Variants in KCNIP3 observed in about 807,000 individuals in gnomAD.
KCNIP3 encodes calsenilin.
Under a neutral mutation model 35.0 loss-of-function variants are expected in KCNIP3, and 28 were observed. The ratio of observed to expected loss-of-function variants is 0.80; its 90% confidence interval spans 0.59 to 1.10. KCNIP3 has a LOEUF of 1.10. KCNIP3 is among the 50% of genes least tolerant of loss of function. The pLI is 0.00. For synonymous variants in KCNIP3, 134 were observed against 133.8 expected (o/e 1.00, Z -0.01); for missense variants, 295 against 338.4 (o/e 0.87, Z 1.01).
chr2:95,315,831 C>T (rs1449335216), intron 2 of KCNIP3, among the ~76,000 whole-genome samples: 2 of 152,196 alleles, frequency 1.3e-5, no homozygotes, highest in African/African-American at 4.8e-5. Flanking sequence ...AGTCGCAGCC[C>T]CCGCAGGTAC....
At chr2:95,307,800 C>T (rs532711207) in intron 1 of KCNIP3, among the ~76,000 whole-genome samples, 2 of 152,324 alleles carry the variant, frequency 1.3e-5, no homozygotes, top group Admixed American at 6.5e-5. Context: ...CCAGGGGCTC[C>T]GAGGCCGCCT....
intron 1 of KCNIP3, among the ~76,000 whole-genome samples, chr2:95,302,145 A>G (rs1573476127): frequency 6.6e-6 from 1 of 151,398 alleles, no homozygotes; most frequent in South Asian, 2.1e-4. Flanking sequence ...GACAGCAAGC[A>G]GTGCTGGGTG....
intron 2 of KCNIP3, among the ~76,000 whole-genome samples, chr2:95,322,294 C>G (rs1361640256): frequency 6.6e-6 from 1 of 152,146 alleles, no homozygotes; most frequent in Non-Finnish European, 1.5e-5. Context: ...CCCGGGAGGT[C>G]AAGGCTGCAG....
intron 2 of KCNIP3, among the ~76,000 whole-genome samples, chr2:95,340,581 C>T (rs1190894177): frequency 6.6e-6 from 1 of 152,194 alleles, no homozygotes; most frequent in Non-Finnish European, 1.5e-5. Flanking sequence ...CCAGCAATTT[C>T]GGCATGGCAT....
chr2:95,315,226 A>C (rs1678423145), intron 2 of KCNIP3, among the ~76,000 whole-genome samples: 1 of 152,180 alleles, frequency 6.6e-6, no homozygotes, highest in East Asian at 1.9e-4. Flanking sequence ...GAGTGATGGC[A>C]GGGATGCAGA....
At chr2:95,339,683 G>C (rs1251387262) in intron 2 of KCNIP3, among the ~76,000 whole-genome samples, 2 of 152,104 alleles carry the variant, frequency 1.3e-5, no homozygotes, top group African/African-American at 4.8e-5. Context: ...TATCTCTTCT[G>C]TTTGGTCCAA....
intron 2 of KCNIP3, among the ~76,000 whole-genome samples, chr2:95,367,843 C>T (rs192732930): frequency 1.4e-3 from 212 of 150,510 alleles, no homozygotes; most frequent in African/African-American, 4.9e-3. Flanking sequence ...CTCACTGCAA[C>T]CTCTGCCTCC....
In KCNIP3 at chr2:95,377,274, C is replaced by T. The variant is rs1680227738; in HGVS notation, c.447+2066C>T. Among the ~76,000 whole-genome samples the T allele has an allele frequency of 6.6e-6, 1 of 152,248 alleles. No individual in the cohort carries two copies. Among genetic ancestry groups the T allele is most frequent in the African/African-American group, 2.4e-5 (1 of 41,464 alleles). The stretch of plus-strand genomic sequence containing the variant: ...CTTCAGTGCCCAGGATCAAGTCAGG[C>T]CCAGTTTGGAAGTGGCAGCCAGGCA... On this transcript the variant is annotated intron_variant, in intron 5 of 8. Transcript: ENST00000295225. The surrounding 1 kb of genome is among the most constrained non-coding windows in gnomAD (Gnocchi z 4.7).
rs749274996 is a variant in KCNIP3 at position 95,384,085 on chromosome 2, C to T, written c.*36C>T. The T allele has an allele frequency of 1.2e-6, 2 of 1,603,588 alleles. No homozygotes were observed. Among genetic ancestry groups the T allele is most frequent in the East Asian group, 2.2e-5 (1 of 44,842 alleles). Reference sequence around the variant, plus strand: ...AAGGAGTGCATGGCCACAGCCACCTCCACCCCCAAGAAACCTCCATCCTGC... The same window carrying T: ...AAGGAGTGCATGGCCACAGCCACCTTCACCCCCAAGAAACCTCCATCCTGC... On this transcript the variant is annotated 3_prime_UTR_variant, in exon 9 of 9. Transcript: ENST00000295225.
At chr2:95,329,161 G>A (rs1192370492) in intron 2 of KCNIP3, among the ~76,000 whole-genome samples, 1 of 152,226 alleles carries the variant, frequency 6.6e-6, no homozygotes, top group African/African-American at 2.4e-5. Context: ...AGAACACGGC[G>A]ATTAGCCCAG....
At chr2:95,344,274 T>TGG (rs3836206) in intron 2 of KCNIP3, among the ~76,000 whole-genome samples, 213 of 129,790 alleles carry the variant, frequency 1.6e-3, no homozygotes, top group East Asian at 9.3e-3. Context: ...GGTGGCGGGG[T>TGG]GGGGGGGGGC....
At chr2:95,324,709 G>A (rs966588954) in intron 2 of KCNIP3, among the ~76,000 whole-genome samples, 12 of 151,866 alleles carry the variant, frequency 7.9e-5, no homozygotes, top group African/African-American at 2.2e-4. Context: ...TCAGGAGTTC[G>A]AGACCAGCCT....
Position 95,374,296 on chromosome 2 carries a change from A to T in KCNIP3, c.182A>T (p.Asp61Val), listed in dbSNP as rs768328496. 6.2e-6 allele frequency: 10 copies of T among 1,613,792 alleles called. No individual in the cohort carries two copies. The highest frequency in any genetic ancestry group is 6.8e-6 in the Non-Finnish European group (8 of 1,179,864). Residue 61 changes from aspartate to valine, a missense_variant and splice_region_variant, in exon 3 of 9, where the codon GAT becomes GTT. By Grantham distance (152) the Asp-to-Val change is radical. Coordinates refer to ENST00000295225, the MANE Select transcript of KCNIP3 (RefSeq NM_013434.5). ...CTCTCTGGTCTGTGTCCCACTCCAG[A>T]TAGCAGCGACAGTGAGCTGGAGCTG... Reference protein sequence around the residue: ...ILSSTAPQGSDSSDSELELST... With the variant: ...ILSSTAPQGSVSSDSELELST...
intron 1 of KCNIP3, among the ~76,000 whole-genome samples, chr2:95,301,019 G>A (rs1365198746): frequency 6.6e-6 from 1 of 152,244 alleles, no homozygotes; most frequent in Admixed American, 6.5e-5. Flanking sequence ...GGTAGGCAAG[G>A]GACAAGTCCC....
rs1680193408 is a variant in KCNIP3 at position 95,376,387 on chromosome 2, C to T, written c.447+1179C>T. ...ATGACTGAGAGGCTCGGCAGAGCCC[C>T]TGCTCATGGCAGTGCTCAGGAAGGT... is the stretch of plus-strand genomic sequence containing the variant. On this transcript the variant is annotated intron_variant, in intron 5 of 8. Transcript: ENST00000295225. The surrounding 1 kb of genome is among the most constrained non-coding windows in gnomAD (Gnocchi z 4.2). Among the ~76,000 whole-genome samples the T allele has an allele frequency of 6.6e-6, 1 of 152,352 alleles. No homozygotes were observed. Among genetic ancestry groups the T allele is most frequent in the South Asian group, 2.1e-4 (1 of 4,832 alleles).
chr2:95,354,794 C>T (rs889004662), intron 2 of KCNIP3, among the ~76,000 whole-genome samples: 1 of 152,224 alleles, frequency 6.6e-6, no homozygotes, highest in Admixed American at 6.5e-5. Context: ...TCTTGCTCTC[C>T]TTTCCCCCAA....
In KCNIP3 at chr2:95,382,608, T is replaced by A; in HGVS notation, c.660+127T>A. 1 of 600,502 alleles carries A rather than the reference T, an allele frequency of 1.7e-6. No individual in the cohort carries two copies. 37.2% of individuals were successfully genotyped at this position (600,502 alleles called of 1,614,324 possible). On this transcript the variant is annotated intron_variant, in intron 7 of 8. Coordinates refer to ENST00000295225, the MANE Select transcript of KCNIP3 (RefSeq NM_013434.5). The surrounding 1 kb of genome is among the most constrained non-coding windows in gnomAD (Gnocchi z 4.5). ...CCTACTCCCCATGAGGAGGTTAAAC[T>A]TGCCCCTCCAGTCTGGCTGGTTGTC...
chr2:95,301,502 C>G (rs1397212916), intron 1 of KCNIP3, among the ~76,000 whole-genome samples: 1 of 152,228 alleles, frequency 6.6e-6, no homozygotes. Context: ...TTACTTAGCT[C>G]ATCTGTGCCA....
chr2:95,378,248 G>A lies in KCNIP3; in HGVS notation c.447+3040G>A, dbSNP rs1046319037. On this transcript the variant is annotated intron_variant, in intron 5 of 8. Transcript: ENST00000295225. The surrounding 1 kb of genome is among the most constrained non-coding windows in gnomAD (Gnocchi z 4.0). ...AGTGATCCTCCTACCCCAGCCTCCCGAGTACCTGGGACTGCGGGTGCATGC... is the reference window on the plus strand; with the variant it reads ...AGTGATCCTCCTACCCCAGCCTCCCAAGTACCTGGGACTGCGGGTGCATGC... 1.3e-5 allele frequency among the ~76,000 whole-genome samples: 2 copies of A among 152,004 alleles called. No homozygotes were observed. The highest frequency in any genetic ancestry group is 2.4e-5 in the African/African-American group (1 of 41,454).
Sources: allele counts gnomAD v4.1 joint callset (sites outside exome capture counted in the v4.1 genomes callset), GRCh38; gene constraint gnomAD v4.1.1; non-coding constraint Gnocchi (gnomAD v3.1); transcripts MANE v1.5; gene names NCBI Gene and HGNC (gene_info 2026-07-23, HGNC 2026-07-21).